Variants in LZTFL1 observed in about 807,000 individuals in gnomAD.
LZTFL1 encodes the protein leucine zipper transcription factor-like protein 1.
Under a neutral mutation model 45.9 loss-of-function variants are expected in LZTFL1, and 25 were observed. The observed-to-expected ratio is 0.54, with a 90% CI of 0.40 to 0.76. LZTFL1 has a LOEUF of 0.76. Ranked by LOEUF, LZTFL1 falls within the 30% of genes least tolerant of loss-of-function variation. The pLI is 0.00. For synonymous variants in LZTFL1, 93 were observed against 117.4 expected, an observed-to-expected ratio of 0.79 and a Z score of 1.35; for missense variants, 277 against 331.1, an observed-to-expected ratio of 0.84 and a Z score of 1.27.
chr3:45,884,838 T>C (rs1701937817), intron 2 of LZTFL1, among the ~76,000 whole-genome samples: 2 of 152,206 alleles, frequency 1.3e-5, no homozygotes, highest in East Asian at 3.8e-4. Flanking sequence ...TTCTTCCCTC[T>C]AGCACCAGTT....
intron 2 of LZTFL1, among the ~76,000 whole-genome samples, chr3:45,889,402 T>A (rs760207386): frequency 2.0e-5 from 3 of 152,226 alleles, no homozygotes; most frequent in African/African-American, 4.8e-5. Context: ...TTGCTCTTTC[T>A]GCGGTAGCTG....
rs996932430 is a variant in LZTFL1 at position 45,892,956 on chromosome 3, C to T, written c.-215+20164G>A. Among the ~76,000 whole-genome samples, 7 of 152,140 alleles carry T rather than the reference C, an allele frequency of 4.6e-5. 1 individual carries two copies. The highest frequency in any genetic ancestry group is 8.8e-5 in the Non-Finnish European group (6 of 68,018). On this transcript the variant is annotated intron_variant, in intron 2 of 4. Coordinates refer to the LZTFL1 transcript ENST00000472635. ...TTTCATCGTACTTTGCTTTTTCCTG[C>T]CTTACTTGAACAGCTTTATTGAGGT...
intron 4 of LZTFL1, among the ~76,000 whole-genome samples, chr3:45,847,902 C>T (rs1701242844): frequency 6.6e-6 from 1 of 152,136 alleles, no homozygotes; most frequent in Non-Finnish European, 1.5e-5. Context: ...CATTAAAAAC[C>T]TGTTTAGGCA....
At chr3:45,841,090 T>C (rs1225017275) in intron 1 of LZTFL1, among the ~76,000 whole-genome samples, 1 of 152,236 alleles carries the variant, frequency 6.6e-6, no homozygotes, top group Non-Finnish European at 1.5e-5. Context: ...CGTGTTCTCC[T>C]GATATTTTAG....
chr3:45,879,318 T>G (rs1033332829), intron 2 of LZTFL1, among the ~76,000 whole-genome samples: 3 of 152,212 alleles, frequency 2.0e-5, no homozygotes, highest in African/African-American at 7.2e-5. Context: ...ATAGTTTATG[T>G]TATTCAACAC....
upstream of LZTFL1, among the ~76,000 whole-genome samples, chr3:45,844,375 A>G (rs1186980863): frequency 6.6e-6 from 1 of 152,164 alleles, no homozygotes; most frequent in African/African-American, 2.4e-5. Context: ...CCCCTGCACT[A>G]TAAATTTTGG....
exon 4 of LZTFL1, chr3:45,855,052 T>C: frequency 6.5e-7 from 1 of 1,533,566 alleles, no homozygotes; most frequent in East Asian, 2.4e-5. Context: ...AGGGTACAAC[T>C]TGATGGATTT....
In LZTFL1 at chr3:45,823,374, C is replaced by CA. The variant is rs1700585191; in HGVS notation, c.*2939dup. On this transcript the variant is annotated 3_prime_UTR_variant, in exon 10 of 10. Coordinates refer to ENST00000296135, the MANE Select transcript of LZTFL1 (RefSeq NM_020347.4). ...TAAAAGTTAAAGGATGTATTATAGGCAAAAAAGAGAGGAAGTTATACTTCA... is the reference window on the plus strand; with the variant it reads ...TAAAAGTTAAAGGATGTATTATAGGCAAAAAAAGAGAGGAAGTTATACTTCA... The CA allele has an allele frequency of 6.6e-6, 1 of 151,598 alleles. No homozygotes were observed. Among genetic ancestry groups the CA allele is most frequent in the Non-Finnish European group, 1.5e-5 (1 of 67,866 alleles). 9.4% of individuals were successfully genotyped at this position (151,598 alleles called of 1,614,324 possible). A position where few individuals can be genotyped will look rare whatever the true frequency, so the allele number is the denominator to read the frequency against.
intron 2 of LZTFL1, among the ~76,000 whole-genome samples, chr3:45,909,831 G>C (rs558644829): frequency 2.0e-5 from 3 of 152,308 alleles, no homozygotes; most frequent in African/African-American, 4.8e-5. Context: ...TGAGCTCCAG[G>C]GTTTCTCTTG....
At position 45,901,110 on chromosome 3, in the gene LZTFL1, G is replaced by A; in HGVS notation, c.-215+12010C>T. 6.2e-7 allele frequency: 1 copy of A among 1,614,108 alleles called. No individual in the cohort carries two copies. The highest frequency in any genetic ancestry group is 8.5e-7 in the Non-Finnish European group (1 of 1,180,008). The stretch of plus-strand genomic sequence containing the variant: ...CACTCTTCCCTTCTGGGCCATTGCT[G>A]CTGCTGACCAGTGGAAGTTCCAGAC... On this transcript the variant is annotated intron_variant, in intron 2 of 4. Transcript: ENST00000472635. The surrounding 1 kb of genome is among the most constrained non-coding windows in gnomAD (Gnocchi z 4.3).
At chr3:45,845,617 A>G (rs1701206392), upstream of LZTFL1, among the ~76,000 whole-genome samples, 1 of 152,226 alleles carries the variant, frequency 6.6e-6, no homozygotes. Flanking sequence ...GACAGCTTAT[A>G]CAAGGATGGA....
intron 4 of LZTFL1, among the ~76,000 whole-genome samples, chr3:45,849,311 A>T (rs1701271883): frequency 6.6e-6 from 1 of 152,238 alleles, no homozygotes; most frequent in Non-Finnish European, 1.5e-5. Context: ...GAGGGAACAT[A>T]GCAAACACGG....
At chr3:45,866,624 A>C (rs13081482) in intron 2 of LZTFL1, among the ~76,000 whole-genome samples, 1 of 152,152 alleles carries the variant, frequency 6.6e-6, no homozygotes, top group Non-Finnish European at 1.5e-5. Flanking sequence ...ATGTCACTAA[A>C]AGTTCTTTGA....
At chr3:45,827,481 C>G (rs1420581205) in intron 8 of LZTFL1, 22 bp from the exon 9 acceptor site, 1 of 1,429,454 alleles carries the variant, frequency 7.0e-7, no homozygotes, top group Non-Finnish European at 9.8e-7. Flanking sequence ...AAAATGTCAG[C>G]CCATTACTAA....
At chr3:45,839,638 G>A (rs1701053774) in intron 1 of LZTFL1, among the ~76,000 whole-genome samples, 1 of 152,192 alleles carries the variant, frequency 6.6e-6, no homozygotes, top group East Asian at 1.9e-4. Flanking sequence ...CCAGTGGTAT[G>A]ATGGTAAATA....
intron 2 of LZTFL1, among the ~76,000 whole-genome samples, chr3:45,893,951 T>C (rs75078036): frequency 6.6e-6 from 1 of 152,142 alleles, no homozygotes; most frequent in Non-Finnish European, 1.5e-5. Flanking sequence ...GATGTTGTTA[T>C]GGAAAGGAAG....
Position 45,842,046 on chromosome 3 carries a change from G to T in LZTFL1, c.-55C>A, listed in dbSNP as rs1230055092. 2 of 1,602,560 alleles carry T rather than the reference G, an allele frequency of 1.2e-6. No individual in the cohort carries two copies. The highest frequency in any genetic ancestry group is 1.7e-5 in the Admixed American group (1 of 58,956). The stretch of plus-strand genomic sequence containing the variant: ...AACGGGAGAGGCCAGGCGGTGCCCC[G>T]CCAAGCCTGGGATCGCCGAGGGTAG... On this transcript the variant is annotated 5_prime_UTR_variant, in exon 1 of 10. Transcript: ENST00000296135.
chr3:45,852,536 A>G (rs1375683946), intron 4 of LZTFL1, among the ~76,000 whole-genome samples: 2 of 152,232 alleles, frequency 1.3e-5, no homozygotes, highest in East Asian at 1.9e-4. Context: ...AAAAATTTCC[A>G]TAGTATATAG....
At chr3:45,912,355 C>G (rs1379816190) in intron 2 of LZTFL1, among the ~76,000 whole-genome samples, 1 of 152,196 alleles carries the variant, frequency 6.6e-6, no homozygotes, top group Non-Finnish European at 1.5e-5. Flanking sequence ...CCCTCACTGT[C>G]CCTGTGCCCT....
Sources: gnomAD v4.1 joint callset for allele counts (sites outside exome capture counted in the v4.1 genomes callset) on GRCh38, gnomAD v4.1.1 for gene constraint, Gnocchi (gnomAD v3.1) non-coding constraint, MANE v1.5 for transcripts, NCBI Gene and HGNC (gene_info 2026-07-23, HGNC 2026-07-21) for gene names.